ASIC2: variants seen among roughly 807,000 people sequenced by gnomAD.
The protein encoded by ASIC2 is acid-sensing ion channel 2.
Under a neutral mutation model 57.3 loss-of-function variants are expected in ASIC2, and 25 were observed. That is an observed-to-expected ratio of 0.44 (90% CI 0.32 to 0.61). The LOEUF is 0.61. ASIC2 is among the 20% of genes least tolerant of loss of function. The probability of loss-of-function intolerance (pLI) is 0.06; values close to 1 mark genes in which losing one functional copy is unlikely to be tolerated. For missense variants in ASIC2, 641 were observed against 738.1 expected (o/e 0.87, Z 1.52); for synonymous variants, 319 against 307.5 (o/e 1.04, Z -0.39).
chr17:33,519,464 G>T (rs759244329), intron 1 of ASIC2, among the ~76,000 whole-genome samples: 2 of 152,132 alleles, frequency 1.3e-5, no homozygotes, highest in Admixed American at 6.6e-5. Flanking sequence ...CCTAGGCTTT[G>T]CAAACACATG....
At chr17:34,128,322 C>T (rs1359659853) in intron 1 of ASIC2, among the ~76,000 whole-genome samples, 1 of 152,084 alleles carries the variant, frequency 6.6e-6, no homozygotes, top group East Asian at 1.9e-4. Context: ...CCCAGGGACC[C>T]CAGGTGCAGG....
At chr17:33,884,134 C>T (rs942597153) in intron 1 of ASIC2, among the ~76,000 whole-genome samples, 35 of 152,228 alleles carry the variant, frequency 2.3e-4, no homozygotes, top group Admixed American at 2.2e-3. Context: ...GGAGGCTGAC[C>T]TCTGCACCAT....
At chr17:34,045,714 T>C (rs976411599) in intron 1 of ASIC2, among the ~76,000 whole-genome samples, 2 of 152,194 alleles carry the variant, frequency 1.3e-5, no homozygotes, top group Non-Finnish European at 2.9e-5. Flanking sequence ...CAAAGACTAG[T>C]TTACCTCTGG....
At chr17:33,401,204 A>G (rs1035489662) in intron 1 of ASIC2, among the ~76,000 whole-genome samples, 1 of 152,178 alleles carries the variant, frequency 6.6e-6, no homozygotes, top group African/African-American at 2.4e-5. Flanking sequence ...GACATGCCTA[A>G]CTCCATAAGG....
At chr17:33,789,137 C>A (rs558915123) in intron 1 of ASIC2, among the ~76,000 whole-genome samples, 1 of 152,304 alleles carries the variant, frequency 6.6e-6, no homozygotes, top group Non-Finnish European at 1.5e-5. Flanking sequence ...CTTTCTGAGG[C>A]CTTCCCAGAA....
chr17:33,564,455 A>T (rs1267439757), intron 1 of ASIC2, among the ~76,000 whole-genome samples: 1 of 152,230 alleles, frequency 6.6e-6, no homozygotes, highest in East Asian at 1.9e-4. Context: ...GCACCAGTAC[A>T]GTCCCTGGGT....
intron 1 of ASIC2, among the ~76,000 whole-genome samples, chr17:34,095,649 A>AAT (rs1910506851): frequency 3.0e-5 from 3 of 100,940 alleles, no homozygotes; most frequent in African/African-American, 1.4e-4. Flanking sequence ...ATATATATAT[A>AAT]TATATAATTT....
chr17:34,058,305 G>A (rs1908845046), intron 1 of ASIC2, among the ~76,000 whole-genome samples: 1 of 152,148 alleles, frequency 6.6e-6, no homozygotes, highest in African/African-American at 2.4e-5. Flanking sequence ...TGCTGCATGT[G>A]CCACCTCACT....
At chr17:33,193,295 A>T (rs1180806311) in intron 1 of ASIC2, among the ~76,000 whole-genome samples, 3 of 152,146 alleles carry the variant, frequency 2.0e-5, no homozygotes, top group African/African-American at 7.2e-5. Context: ...AGGCCTCGCC[A>T]CCCTCTCCCA....
chr17:33,947,202 T>A (rs544798648), intron 1 of ASIC2, among the ~76,000 whole-genome samples: 46 of 152,280 alleles, frequency 3.0e-4, no homozygotes, highest in African/African-American at 1.0e-3. Context: ...ATTAGCACCA[T>A]CTCATGGGGA....
At chr17:33,547,816 G>T (rs1478447742) in intron 1 of ASIC2, among the ~76,000 whole-genome samples, 2 of 152,196 alleles carry the variant, frequency 1.3e-5, no homozygotes, top group Non-Finnish European at 2.9e-5. Flanking sequence ...CAGAATGCTA[G>T]ACCAGTCTCC....
chr17:33,560,024 A>G (rs994769121), intron 1 of ASIC2, among the ~76,000 whole-genome samples: 4 of 152,228 alleles, frequency 2.6e-5, no homozygotes, highest in Admixed American at 2.6e-4. Context: ...ATTGAAGCCC[A>G]TGTTACTGTA....
intron 1 of ASIC2, among the ~76,000 whole-genome samples, chr17:33,803,116 A>G (rs1185742855): frequency 6.6e-6 from 1 of 152,172 alleles, no homozygotes; most frequent in Non-Finnish European, 1.5e-5. Flanking sequence ...AGAGTGCTTC[A>G]ACTTGGGGTT....
chr17:33,394,257 G>A (rs1364113926), intron 1 of ASIC2, among the ~76,000 whole-genome samples: 1 of 152,216 alleles, frequency 6.6e-6, no homozygotes, highest in Non-Finnish European at 1.5e-5. Flanking sequence ...CCTAGCATCT[G>A]TTATAGAGGG....
At chr17:33,876,427 C>T (rs991060951) in intron 1 of ASIC2, among the ~76,000 whole-genome samples, 1 of 152,164 alleles carries the variant, frequency 6.6e-6, no homozygotes, top group Non-Finnish European at 1.5e-5. Flanking sequence ...ACAATATCTA[C>T]GATTGAGCAA....
At chr17:33,655,828 A>T (rs192764994) in intron 1 of ASIC2, among the ~76,000 whole-genome samples, 1 of 152,220 alleles carries the variant, frequency 6.6e-6, no homozygotes, top group Non-Finnish European at 1.5e-5. Context: ...GTAGAAAAAA[A>T]TCTTAATGAG....
intron 1 of ASIC2, chr17:33,689,155 A>T (rs1345383135): frequency 6.6e-6 from 1 of 152,244 alleles, no homozygotes; most frequent in East Asian, 1.9e-4. Context: ...ACAATATCAA[A>T]TAAATGCAAA....
chr17:33,677,243 G>T (rs973567097), intron 1 of ASIC2, among the ~76,000 whole-genome samples: 1 of 152,206 alleles, frequency 6.6e-6, no homozygotes, highest in African/African-American at 2.4e-5. Context: ...TAGCTAGAGA[G>T]AAGTCAATGT....
intron 1 of ASIC2, among the ~76,000 whole-genome samples, chr17:33,740,568 T>C (rs1910078845): frequency 6.6e-6 from 1 of 152,178 alleles, no homozygotes; most frequent in Admixed American, 6.5e-5. Flanking sequence ...TTGGGGATTA[T>C]GCGAGCTACA....
Sources: allele counts gnomAD v4.1 joint callset (sites outside exome capture counted in the v4.1 genomes callset), GRCh38; gene constraint gnomAD v4.1.1; transcripts MANE v1.5; gene names NCBI Gene and HGNC (gene_info 2026-07-23, HGNC 2026-07-21).